CAMTA1: variants seen among roughly 807,000 people sequenced by gnomAD.
CAMTA1 encodes the protein calmodulin binding transcription activator 1.
A neutral mutation model predicts 170.9 loss-of-function variants in CAMTA1; 27 were observed. The observed-to-expected ratio is 0.16, with a 90% CI of 0.12 to 0.22. CAMTA1 has a LOEUF of 0.22. Among genes scored for constraint, CAMTA1 ranks in the 10% least tolerant of loss-of-function variants. The pLI, the probability that CAMTA1 is intolerant of heterozygous loss-of-function variation, is 1.00. For missense variants in CAMTA1, 1,619 were observed against 2,217.2 expected (o/e 0.73, Z 5.42); for synonymous variants, 833 against 891.5 (o/e 0.93, Z 1.17).
chr1:6,935,623 A>G (rs1685171742), intron 3 of CAMTA1, among the ~76,000 whole-genome samples: 1 of 152,198 alleles, frequency 6.6e-6, no homozygotes, highest in Non-Finnish European at 1.5e-5. Flanking sequence ...GCCTGCTTTA[A>G]TTGTCTAATC....
intron 5 of CAMTA1, among the ~76,000 whole-genome samples, chr1:7,400,118 T>C (rs2089777484): frequency 6.6e-6 from 1 of 152,232 alleles, no homozygotes; most frequent in Admixed American, 6.5e-5. Context: ...AAGATATTTG[T>C]CAGCTTAATT....
At chr1:7,305,698 A>T (rs145982051) in intron 5 of CAMTA1, among the ~76,000 whole-genome samples, 1 of 149,674 alleles carries the variant, frequency 6.7e-6, no homozygotes, top group Admixed American at 6.6e-5. Context: ...ATATTTATAT[A>T]TAGGTTTTCA....
Position 7,738,400 on chromosome 1 carries a change from G to C in CAMTA1, c.4100G>C (p.Arg1367Thr), listed in dbSNP as rs1577313922. The C allele has an allele frequency of 1.9e-6, 3 of 1,614,240 alleles. No homozygotes were observed. The Middle Eastern group carries it at 4.9e-4, about 266-fold the overall frequency. The stretch of plus-strand genomic sequence containing the variant: ...ATGAGTGTCCTGATGATGGCTAACA[G>C]AGAGGTGGTGAATACAGAGCTGGGG... ...EPMSVLMMAN[R>T]EVVNTELGSY... The change falls in exon 16 of 23, where the codon AGA becomes ACA. Residue 1367 changes from arginine (R) to threonine (T), a missense_variant. Transcript: ENST00000303635. This position sits in a 1 kb window ranked among gnomAD's most constrained non-coding sequence, Gnocchi z 4.9.
At chr1:7,427,604 G>A (rs1232447613) in intron 5 of CAMTA1, among the ~76,000 whole-genome samples, 1 of 152,210 alleles carries the variant, frequency 6.6e-6, no homozygotes, top group Non-Finnish European at 1.5e-5. Flanking sequence ...AGCAGTGAGT[G>A]CATACGTATT....
intron 5 of CAMTA1, among the ~76,000 whole-genome samples, chr1:7,371,830 T>TC (rs1048825904): frequency 5.9e-5 from 9 of 152,258 alleles, no homozygotes; most frequent in African/African-American, 2.2e-4. Flanking sequence ...GATGATTTTG[T>TC]CCCCCCACTC....
Position 7,206,854 on chromosome 1 carries a change from C to G in CAMTA1, c.303-42637C>G, listed in dbSNP as rs75248427. Reference sequence around the variant, plus strand: ...AGCAGCATGCTTTTTAATGACTTCTCTTAAGTCCTTGGTTTCCAAATTCTG... The same window carrying G: ...AGCAGCATGCTTTTTAATGACTTCTGTTAAGTCCTTGGTTTCCAAATTCTG... On this transcript the variant is annotated intron_variant, in intron 4 of 22. Transcript: ENST00000303635. Among the ~76,000 whole-genome samples, 410 of 152,264 alleles carry G rather than the reference C, an allele frequency of 2.7e-3. 1 individual carries two copies. Among genetic ancestry groups the G allele is most frequent in the African/African-American group, 9.6e-3 (400 of 41,544 alleles).
chr1:7,287,520 C>G (rs934129793), intron 5 of CAMTA1, among the ~76,000 whole-genome samples: 1 of 151,848 alleles, frequency 6.6e-6, no homozygotes, highest in Non-Finnish European at 1.5e-5. Flanking sequence ...TATTTTTACA[C>G]GTTGTATTGG....
intron 6 of CAMTA1, among the ~76,000 whole-genome samples, chr1:7,559,227 C>G (rs2094924404): frequency 6.6e-6 from 1 of 152,198 alleles, no homozygotes; most frequent in Non-Finnish European, 1.5e-5. Context: ...GCCTCCCACG[C>G]ACCCCAGACA....
At chr1:7,059,927 CAG>C (rs1237065676) in intron 3 of CAMTA1, among the ~76,000 whole-genome samples, 1 of 152,168 alleles carries the variant, frequency 6.6e-6, no homozygotes, top group Non-Finnish European at 1.5e-5. Context: ...ATCTAAGGCT[CAG>C]ACCACACGGC....
At chr1:7,101,323 C>G (rs1642683374) in intron 4 of CAMTA1, among the ~76,000 whole-genome samples, 1 of 152,142 alleles carries the variant, frequency 6.6e-6, no homozygotes, top group Non-Finnish European at 1.5e-5. Context: ...GGGAGTTGGC[C>G]TGCGGGCCTT....
intron 4 of CAMTA1, among the ~76,000 whole-genome samples, chr1:7,217,233 T>C (rs35399313): frequency 0.48 from 73,704 of 152,050 alleles, 19,510 homozygotes; most frequent in South Asian, 0.61. Flanking sequence ...TGCTCGGCAC[T>C]TCTCTCTCCT....
intron 6 of CAMTA1, among the ~76,000 whole-genome samples, chr1:7,509,313 GAT>G (rs762952213): frequency 1.2e-3 from 183 of 152,318 alleles, no homozygotes; most frequent in Admixed American, 1.8e-3. Context: ...ACAGCTGGAA[GAT>G]AAACAGAGCA....
At chr1:7,276,044 GATTA>G (rs1002252708) in intron 5 of CAMTA1, among the ~76,000 whole-genome samples, 1 of 151,498 alleles carries the variant, frequency 6.6e-6, no homozygotes, top group Non-Finnish European at 1.5e-5. Flanking sequence ...AATACACCAC[GATTA>G]ATTATGTTGA....
chr1:7,034,908 A>T (rs1340520252), intron 3 of CAMTA1, among the ~76,000 whole-genome samples: 2 of 152,260 alleles, frequency 1.3e-5, no homozygotes, highest in African/African-American at 2.4e-5. Flanking sequence ...CCATAGTTTT[A>T]AAAAAAATCA....
intron 11 of CAMTA1, among the ~76,000 whole-genome samples, chr1:7,705,392 G>A (rs2096505342): frequency 6.6e-6 from 1 of 151,398 alleles, no homozygotes; most frequent in Non-Finnish European, 1.5e-5. Context: ...CGAGGGGCGT[G>A]TGCGGCGGGT....
chr1:7,694,394 G>A (rs1407699342), intron 11 of CAMTA1: 3 of 152,212 alleles, frequency 2.0e-5, no homozygotes, highest in African/African-American at 7.2e-5. Context: ...AGATGGAGAT[G>A]TGAAATTAAC....
chr1:6,828,259 T>C (rs1170913023), intron 3 of CAMTA1, among the ~76,000 whole-genome samples: 1 of 151,620 alleles, frequency 6.6e-6, no homozygotes, highest in Non-Finnish European at 1.5e-5. Context: ...CTGTGTGTGT[T>C]GTGAGTGAGA....
At chr1:7,170,234 G>C (rs1649317583) in intron 4 of CAMTA1, among the ~76,000 whole-genome samples, 1 of 149,654 alleles carries the variant, frequency 6.7e-6, no homozygotes, top group Non-Finnish European at 1.5e-5. Context: ...TTATCCTTCA[G>C]TTCGCAATGT....
Position 6,812,534 on chromosome 1 carries a change from C to T in CAMTA1, c.46-7647C>T, listed in dbSNP as rs375780479. On this transcript the variant is annotated intron_variant, in intron 1 of 22. Transcript: ENST00000303635. ...ACAATAAGTACTACTGAAACAATAT[C>T]ATTTTAAATGTTATACAGTTTTTTT... is the stretch of plus-strand genomic sequence containing the variant. 9.2e-5 allele frequency among the ~76,000 whole-genome samples: 14 copies of T among 152,228 alleles called. No individual in the cohort carries two copies. The East Asian group carries it at 2.3e-3, about 25-fold the overall frequency.
Sources: gnomAD v4.1 joint callset for allele counts (sites outside exome capture counted in the v4.1 genomes callset) on GRCh38, gnomAD v4.1.1 for gene constraint, Gnocchi (gnomAD v3.1) non-coding constraint, MANE v1.5 for transcripts, NCBI Gene and HGNC (gene_info 2026-07-23, HGNC 2026-07-21) for gene names.